Variants in PRKCSH observed in about 807,000 individuals in gnomAD.
The protein encoded by PRKCSH is glucosidase 2 subunit beta.
In PRKCSH, 42 loss-of-function variants were observed where a neutral mutation model predicts 79.7. That is an observed-to-expected ratio of 0.53 (90% CI 0.41 to 0.68). PRKCSH has a LOEUF of 0.68. PRKCSH is among the 30% of genes least tolerant of loss of function. The pLI is 0.00. For synonymous variants in PRKCSH, 325 were observed against 288.2 expected (o/e 1.13, Z -1.29); for missense variants, 686 against 709.0 (o/e 0.97, Z 0.37).
At position 11,447,525 on chromosome 19, in the gene PRKCSH, AGAGGAGGAGGAGGAG is replaced by A. The variant is rs3217229; in HGVS notation, c.954_968del (p.Glu321_Glu325del). On this transcript the variant is annotated inframe_deletion, in exon 11 of 18. Transcript: ENST00000677123. This position sits in a 1 kb window ranked among gnomAD's most constrained non-coding sequence, Gnocchi z 5.6. The stretch of plus-strand genomic sequence containing the variant: ...AGCCGCCAGTGCCCTCGTCGCCCAC[AGAGGAGGAGGAGGAG>A]GAGGAGGAGGAGGAGGAAGAAGAGG... 1.5e-4 allele frequency: 241 copies of A among 1,583,934 alleles called. No individual in the cohort carries two copies. Among genetic ancestry groups the A allele is most frequent in the Non-Finnish European group, 1.9e-4 (216 of 1,161,352 alleles).
rs1177579155 is a variant in PRKCSH, at chr19:11,438,105, A to G, written c.331A>G (p.Ile111Val). The G allele has an allele frequency of 6.2e-7, 1 of 1,614,018 alleles. No homozygotes were observed. Among genetic ancestry groups the G allele is most frequent in the African/African-American group, 1.3e-5 (1 of 74,930 alleles). Residue 111 changes from isoleucine (I) to valine (V), a missense_variant, in exon 5 of 18, where the codon ATC (isoleucine) becomes GTC (valine). Physicochemically the swap from Ile to Val is conservative, Grantham distance 29 (BLOSUM62 3). Transcript: ENST00000677123. ...DGTDEYNSGV[I>V]CENTCKEKGR... is the part of the protein sequence containing the mutation. ...AACAGACGAGTACAACAGCGGCGTC[A>G]TCTGTGAGAACACCTGCAAGTACGT...
rs1415060916 is a variant in PRKCSH, at chr19:11,435,974, G to T, written c.-77-67G>T. ...AAGTGAGGCCTCATTGCCTGGAAGC[G>T]ATGGAGGAATCCAATTGGCTGGAAG... On this transcript the variant is annotated intron_variant, in intron 1 of 17. Coordinates refer to ENST00000677123, the MANE Select transcript of PRKCSH (RefSeq NM_001289104.2). The T allele has an allele frequency of 5.9e-6, 7 of 1,190,400 alleles. No individual in the cohort carries two copies. In the East Asian group the frequency reaches 1.4e-4, roughly 24 times the overall value. 73.7% of individuals were successfully genotyped at this position (1,190,400 alleles called of 1,614,324 possible).
Position 11,448,700 on chromosome 19 carries a change from A to G in PRKCSH, c.1286+71A>G. On this transcript the variant is annotated intron_variant, in intron 14 of 17. Coordinates refer to ENST00000677123, the MANE Select transcript of PRKCSH (RefSeq NM_001289104.2). This position sits in a 1 kb window ranked among gnomAD's most constrained non-coding sequence, Gnocchi z 4.4. The stretch of plus-strand genomic sequence containing the variant: ...GGGTGGCCCCGGAAGTGGCACCGGC[A>G]GTTTCCTGATGGTTGGGGAACCATC... 1.2e-5 allele frequency: 17 copies of G among 1,477,724 alleles called. No individual in the cohort carries two copies. Among genetic ancestry groups the G allele is most frequent in the Non-Finnish European group, 1.5e-5 (16 of 1,057,446 alleles). 91.5% of individuals were successfully genotyped at this position (1,477,724 alleles called of 1,614,324 possible).
intron 7 of PRKCSH, among the ~76,000 whole-genome samples, chr19:11,444,556 T>C (rs1222265829): frequency 6.6e-6 from 1 of 152,172 alleles, no homozygotes; most frequent in African/African-American, 2.4e-5. Flanking sequence ...ACCAGCTGTT[T>C]TTATTCTGTT....
At chr19:11,444,849 C>G (rs146590462) in intron 7 of PRKCSH, among the ~76,000 whole-genome samples, 11 of 152,024 alleles carry the variant, frequency 7.2e-5, no homozygotes, top group Non-Finnish European at 1.6e-4. Context: ...AAGTCTCATT[C>G]CTGCCAGCCC....
In PRKCSH at chr19:11,449,373, G is replaced by A. The variant is rs149505716; in HGVS notation, c.1569G>A (p.Pro523=). The A allele has an allele frequency of 3.3e-5, 54 of 1,613,216 alleles. No homozygotes were observed. The highest frequency in any genetic ancestry group is 1.5e-4 in the Admixed American group (9 of 59,982). ...CGCCAGCCGCCTGCCCGGAGCCACC[G>A]CCTGAAGCACCCACCGAAGACGACC... ...LMTPAACPEP[P]PEAPTEDDHD... The change falls in exon 17 of 18, where the codon CCG becomes CCA. Residue 523 remains proline (P), a synonymous_variant. Transcript: ENST00000677123. This position sits in a 1 kb window ranked among gnomAD's most constrained non-coding sequence, Gnocchi z 6.4.
chr19:11,449,537 C>A lies in PRKCSH; in HGVS notation c.*16+109C>A. ...TCTATCAACCTGTGTCCCCATGTTC[C>A]CTGCTTTTTTGTTTTGTTTTTTTGA... On this transcript the variant is annotated intron_variant, in intron 17 of 17. Coordinates refer to ENST00000677123, the MANE Select transcript of PRKCSH (RefSeq NM_001289104.2). The surrounding 1 kb of genome is among the most constrained non-coding windows in gnomAD (Gnocchi z 6.4). 1 of 1,455,046 alleles carries A rather than the reference C, an allele frequency of 6.9e-7. No homozygotes were observed. The highest frequency in any genetic ancestry group is 1.2e-5 in the South Asian group (1 of 84,504). 90.1% of individuals were successfully genotyped at this position (1,455,046 alleles called of 1,614,324 possible). A position where few individuals can be genotyped will look rare whatever the true frequency, so the allele number is the denominator to read the frequency against.
In PRKCSH at chr19:11,445,407, A is replaced by C; in HGVS notation, c.617A>C (p.Lys206Thr). The C allele has an allele frequency of 6.2e-7, 1 of 1,613,988 alleles. No individual in the cohort carries two copies. Among genetic ancestry groups the C allele is most frequent in the Non-Finnish European group, 8.5e-7 (1 of 1,180,032 alleles). Residue 206 changes from lysine (K) to threonine (T), a missense_variant, in exon 8 of 18, where the codon AAG becomes ACG. Physicochemically the swap from Lys to Thr is moderately conservative, Grantham distance 78 (BLOSUM62 -1). Coordinates refer to ENST00000677123, the MANE Select transcript of PRKCSH (RefSeq NM_001289104.2). ...TTTACAGAGCAGCTGGCTGCTGCCA[A>C]GGCCCAACAGGAGCAGGAGCTGGCG... is the stretch of plus-strand genomic sequence containing the variant. ...KLWEEQLAAA[K>T]AQQEQELAAD...
chr19:11,447,872 C>T lies in PRKCSH; in HGVS notation c.1126+83C>T, dbSNP rs1970396055. ...GCACAGGTCGAGGGAAGATCCTGAG[C>T]TTAGACCCTGCTCTGACTCGGCCAG... On this transcript the variant is annotated intron_variant, in intron 12 of 17. Coordinates refer to ENST00000677123, the MANE Select transcript of PRKCSH (RefSeq NM_001289104.2). The surrounding 1 kb of genome is among the most constrained non-coding windows in gnomAD (Gnocchi z 5.6). 2 of 1,414,594 alleles carry T rather than the reference C, an allele frequency of 1.4e-6. No homozygotes were observed. Among genetic ancestry groups the T allele is most frequent in the African/African-American group, 1.4e-5 (1 of 69,882 alleles). 87.6% of individuals were successfully genotyped at this position (1,414,594 alleles called of 1,614,324 possible). A position where few individuals can be genotyped will look rare whatever the true frequency, so the allele number is the denominator to read the frequency against.
chr19:11,446,134 A>T (rs910578069), intron 8 of PRKCSH, 138 bp from the exon 9 acceptor site: 1 of 827,300 alleles, frequency 1.2e-6, no homozygotes, highest in Non-Finnish European at 2.0e-6. Context: ...GAGGGTGGGG[A>T]GGCCCCTACA....
Position 11,441,411 on chromosome 19 carries a change from G to A in PRKCSH, c.468+54G>A, listed in dbSNP as rs890145940. ...GTGATCTGGGCCTTGAGGCCTCATA[G>A]TGTGGGCTTGCAAGGCTGGGGAGGG... On this transcript the variant is annotated intron_variant, in intron 6 of 17. Coordinates refer to ENST00000677123, the MANE Select transcript of PRKCSH (RefSeq NM_001289104.2). The A allele has an allele frequency of 1.6e-5, 25 of 1,546,118 alleles. No individual in the cohort carries two copies. The African/African-American group carries it at 1.6e-4, about 10-fold the overall frequency.
In PRKCSH at chr19:11,448,560, C is replaced by T. The variant is rs750036869; in HGVS notation, c.1217C>T (p.Ser406Phe). ...ESIRNLEQEI[S>F]FDFGPNGEFA... is the part of the protein sequence containing the mutation. ...TCCAGGAACCTGGAGCAAGAGATTT[C>T]TTTTGACTTTGGCCCCAACGGGGAG... The change falls in exon 14 of 18, where the codon TCT becomes TTT. Residue 406 changes from serine (S) to phenylalanine (F), a missense_variant. Ser to Phe is a radical substitution (Grantham distance 155). Around this residue, in one of 2 missense-constraint regions of PRKCSH, gnomAD observed 137 missense variants for 188.8 expected, o/e 0.73. Transcript: ENST00000677123. The surrounding 1 kb of genome is among the most constrained non-coding windows in gnomAD (Gnocchi z 4.4). The T allele has an allele frequency of 6.2e-7, 1 of 1,614,232 alleles. No individual in the cohort carries two copies. Among genetic ancestry groups the T allele is most frequent in the Non-Finnish European group, 8.5e-7 (1 of 1,180,030 alleles).
Position 11,448,807 on chromosome 19 carries a change from G to GT in PRKCSH, c.1287-105dup. 6.9e-7 allele frequency: 1 copy of GT among 1,453,704 alleles called. No individual in the cohort carries two copies. Among genetic ancestry groups the GT allele is most frequent in the Non-Finnish European group, 9.6e-7 (1 of 1,036,478 alleles). The allele number at this position is 1,453,704 out of a possible 1,614,324, so 90.1% of individuals were successfully genotyped here. On this transcript the variant is annotated intron_variant, in intron 14 of 17. Transcript: ENST00000677123. The surrounding 1 kb of genome is among the most constrained non-coding windows in gnomAD (Gnocchi z 4.4). ...GCCAGGTTTAGGGTTGGTCATTGGA[G>GT]TTGGAGGTACCCTGTGTGTGGGGAC...
chr19:11,436,299 G>T (rs1280895515), intron 2 of PRKCSH, 90 bp from the exon 3 acceptor site: 1 of 1,580,224 alleles, frequency 6.3e-7, no homozygotes, highest in Admixed American at 1.7e-5. Context: ...TTTCCCGGTA[G>T]TGCTCCGCTG....
intron 8 of PRKCSH, 151 bp downstream of exon 8, chr19:11,445,624 T>A: frequency 2.6e-6 from 2 of 770,082 alleles, no homozygotes; most frequent in Non-Finnish European, 4.4e-6. Context: ...CCCCGCCTCT[T>A]ACTCGTGGAT....
chr19:11,435,924 G>C, intron 1 of PRKCSH, 117 bp from the exon 2 acceptor site: 1 of 919,168 alleles, frequency 1.1e-6, no homozygotes, highest in Non-Finnish European at 1.7e-6. Flanking sequence ...GGAGATCGCT[G>C]CCCCTCGCCC....
Position 11,437,916 on chromosome 19 carries a change from C to T in PRKCSH, c.237C>T (p.Asn79=). Reference sequence around the variant, plus strand: ...CTAATGGCAGCTTCCACTGCACCAACACTGGCTATAAGCCCCTGTATATCC... The same window carrying T: ...CTAATGGCAGCTTCCACTGCACCAATACTGGCTATAAGCCCCTGTATATCC... ...ACPNGSFHCT[N]TGYKPLYIPS... The change falls in exon 4 of 18, where the codon AAC becomes AAT. Residue 79 remains asparagine (N), a synonymous_variant. Coordinates refer to ENST00000677123, the MANE Select transcript of PRKCSH (RefSeq NM_001289104.2). 4.3e-6 allele frequency: 7 copies of T among 1,614,208 alleles called. No individual in the cohort carries two copies. The highest frequency in any genetic ancestry group is 5.9e-6 in the Non-Finnish European group (7 of 1,180,040).
chr19:11,449,321 G>A lies in PRKCSH; in HGVS notation c.1517G>A (p.Arg506His). Residue 506 changes from arginine (R) to histidine (H), a missense_variant, in exon 17 of 18, where the codon CGC becomes CAC. Coordinates refer to ENST00000677123, the MANE Select transcript of PRKCSH (RefSeq NM_001289104.2). This position sits in a 1 kb window ranked among gnomAD's most constrained non-coding sequence, Gnocchi z 6.4. ...GTGACCAGCACCACAGAGCCCAGTCGCTGCGAGTACCTCATGGAGCTGATG... is the reference window on the plus strand; with the variant it reads ...GTGACCAGCACCACAGAGCCCAGTCACTGCGAGTACCTCATGGAGCTGATG... The part of the protein sequence containing the change: ...TMVTSTTEPS[R>H]CEYLMELMTP... 3 of 1,613,616 alleles carry A rather than the reference G, an allele frequency of 1.9e-6. No homozygotes were observed. The highest frequency in any genetic ancestry group is 2.5e-6 in the Non-Finnish European group (3 of 1,179,968).
Position 11,447,405 on chromosome 19 carries a change from G to C in PRKCSH, c.850-34G>C, listed in dbSNP as rs1170214724. ...GCCTGAGGGTGTGGGTGGACCCTGA[G>C]TCCACAACACCGACCGCACTGCTCA... On this transcript the variant is annotated intron_variant, in intron 10 of 17. Transcript: ENST00000677123. This position sits in a 1 kb window ranked among gnomAD's most constrained non-coding sequence, Gnocchi z 5.6. The C allele has an allele frequency of 6.2e-7, 1 of 1,607,228 alleles. No homozygotes were observed. The highest frequency in any genetic ancestry group is 8.5e-7 in the Non-Finnish European group (1 of 1,174,588).
Sources: gnomAD v4.1 joint callset for allele counts (sites outside exome capture counted in the v4.1 genomes callset) on GRCh38, gnomAD v4.1.1 for gene constraint, gnomAD v4.1.1 regional missense constraint, Gnocchi (gnomAD v3.1) non-coding constraint, MANE v1.5 for transcripts, NCBI Gene and HGNC (gene_info 2026-07-23, HGNC 2026-07-21) for gene names.